Variants in CLSTN2 observed in about 807,000 individuals in gnomAD.
CLSTN2 encodes the protein calsyntenin 2.
CLSTN2 carries 48 observed loss-of-function variants against 101.2 expected under a neutral mutation model. The observed-to-expected ratio is 0.47, with a 90% CI of 0.38 to 0.60. CLSTN2 has a LOEUF of 0.60. CLSTN2 is among the 20% of genes least tolerant of loss of function. CLSTN2 has a pLI of 0.00. For synonymous variants in CLSTN2, 481 were observed against 463.6 expected (o/e 1.04, Z -0.48); for missense variants, 1,160 against 1,238.2 (o/e 0.94, Z 0.95).
At chr3:140,236,489 T>C (rs1032461509) in intron 2 of CLSTN2, among the ~76,000 whole-genome samples, 20 of 152,212 alleles carry the variant, frequency 1.3e-4, no homozygotes, top group African/African-American at 2.7e-4. Flanking sequence ...TTCAGCCTCA[T>C]TGAGCTTCTT....
rs72978100 is a variant in CLSTN2, at chr3:140,546,086, T to C, written c.1508-429T>C. Among the ~76,000 whole-genome samples the C allele has an allele frequency of 2.2e-3, 331 of 152,314 alleles. 3 individuals are homozygous for C. The highest frequency in any genetic ancestry group is 7.9e-3 in the African/African-American group (327 of 41,574). On this transcript the variant is annotated intron_variant, in intron 9 of 16. Coordinates refer to ENST00000458420, the MANE Select transcript of CLSTN2 (RefSeq NM_022131.3). ...ATATGTCCTGGGGCAACTACCTTAA[T>C]GTTTTTGAGTCTCAGGGCTCTGCAC...
chr3:140,209,206 G>T (rs1289128451), intron 2 of CLSTN2, among the ~76,000 whole-genome samples: 1 of 152,168 alleles, frequency 6.6e-6, no homozygotes, highest in Non-Finnish European at 1.5e-5. Flanking sequence ...GAGAGAACTG[G>T]AGAGGATGCA....
rs1453788092 is a variant in CLSTN2 at position 140,574,306 on chromosome 3, C to G, written c.*8053C>G. 1 of 152,200 alleles carries G rather than the reference C, an allele frequency of 6.6e-6. No individual in the cohort carries two copies. The highest frequency in any genetic ancestry group is 1.9e-4 in the East Asian group (1 of 5,186). 9.4% of individuals were successfully genotyped at this position (152,200 alleles called of 1,614,324 possible). A position where few individuals can be genotyped will look rare whatever the true frequency, so the allele number is the denominator to read the frequency against. ...CATTTGTGATGCACGTGGGAGAAAACAGGAGTGGGGTTGTTTGGGGACTAC... is the reference window on the plus strand; with the variant it reads ...CATTTGTGATGCACGTGGGAGAAAAGAGGAGTGGGGTTGTTTGGGGACTAC... On this transcript the variant is annotated 3_prime_UTR_variant, in exon 17 of 17. Coordinates refer to ENST00000458420, the MANE Select transcript of CLSTN2 (RefSeq NM_022131.3).
chr3:140,203,066 T>A (rs1300658983), intron 2 of CLSTN2, among the ~76,000 whole-genome samples: 1 of 152,148 alleles, frequency 6.6e-6, no homozygotes, highest in Admixed American at 6.5e-5. Flanking sequence ...AATGTCTACA[T>A]GGAGTAGTAC....
At chr3:140,524,611 C>A (rs1321569260) in intron 8 of CLSTN2, among the ~76,000 whole-genome samples, 1 of 152,176 alleles carries the variant, frequency 6.6e-6, no homozygotes, top group Non-Finnish European at 1.5e-5. Context: ...CATCTACAGA[C>A]TACTCCACCC....
At chr3:140,449,764 TA>T (rs1933196027) in intron 6 of CLSTN2, 1 of 152,242 alleles carries the variant, frequency 6.6e-6, no homozygotes, top group South Asian at 2.1e-4. Flanking sequence ...GGGAACTTTT[TA>T]TCACAGGCAT....
chr3:139,997,014 T>A (rs1337035860), intron 1 of CLSTN2, among the ~76,000 whole-genome samples: 1 of 130,866 alleles, frequency 7.6e-6, no homozygotes, highest in Non-Finnish European at 1.6e-5. Flanking sequence ...GCCATTGCAC[T>A]CCAGCCTGGG....
At chr3:139,962,554 G>A (rs1248066278) in intron 1 of CLSTN2, among the ~76,000 whole-genome samples, 1 of 152,066 alleles carries the variant, frequency 6.6e-6, no homozygotes, top group Non-Finnish European at 1.5e-5. Context: ...AAGATTAGCA[G>A]ATTTCCTTAA....
chr3:140,433,196 T>C (rs2088652699), intron 5 of CLSTN2, among the ~76,000 whole-genome samples: 1 of 152,188 alleles, frequency 6.6e-6, no homozygotes, highest in African/African-American at 2.4e-5. Context: ...TGTCATTGGA[T>C]AGTAAGGCAG....
chr3:140,550,716 A>G (rs1935684782), intron 10 of CLSTN2, among the ~76,000 whole-genome samples: 1 of 151,556 alleles, frequency 6.6e-6, no homozygotes, highest in African/African-American at 2.4e-5. Context: ...AGCAATTTCT[A>G]GAGTCATCAT....
At chr3:140,305,343 G>C (rs377678314) in intron 2 of CLSTN2, among the ~76,000 whole-genome samples, 36 of 152,168 alleles carry the variant, frequency 2.4e-4, no homozygotes, top group African/African-American at 8.2e-4. Flanking sequence ...CTGAATACAG[G>C]TCCCTTTAAA....
chr3:140,057,044 A>G (rs924235378), intron 1 of CLSTN2, among the ~76,000 whole-genome samples: 6 of 152,210 alleles, frequency 3.9e-5, no homozygotes, highest in African/African-American at 9.6e-5. Flanking sequence ...TGCAGCTTCA[A>G]TAGGGATTTT....
chr3:139,974,711 A>T (rs1212696786), intron 1 of CLSTN2, among the ~76,000 whole-genome samples: 1 of 152,248 alleles, frequency 6.6e-6, no homozygotes, highest in Non-Finnish European at 1.5e-5. Flanking sequence ...TAATAGCCAT[A>T]GGAAAACAAA....
At chr3:140,221,884 A>G (rs1192708560) in intron 2 of CLSTN2, among the ~76,000 whole-genome samples, 1 of 152,204 alleles carries the variant, frequency 6.6e-6, no homozygotes, top group Non-Finnish European at 1.5e-5. Flanking sequence ...GTAAATTAGT[A>G]CAAGTACTAT....
At chr3:140,053,274 C>T (rs563970008) in intron 1 of CLSTN2, among the ~76,000 whole-genome samples, 1 of 152,254 alleles carries the variant, frequency 6.6e-6, no homozygotes, top group South Asian at 2.1e-4. Flanking sequence ...GACCTTGGCC[C>T]CTTCAGCCAC....
chr3:140,165,472 G>A (rs568055995), intron 1 of CLSTN2, among the ~76,000 whole-genome samples: 1 of 152,290 alleles, frequency 6.6e-6, no homozygotes, highest in African/African-American at 2.4e-5. Flanking sequence ...ATGGGAACAA[G>A]GAAAGATCCA....
At chr3:140,108,634 G>A (rs939412819) in intron 1 of CLSTN2, among the ~76,000 whole-genome samples, 2 of 152,118 alleles carry the variant, frequency 1.3e-5, no homozygotes, top group Non-Finnish European at 2.9e-5. Flanking sequence ...CACAGTCAAG[G>A]CAGTTAAGGG....
In CLSTN2 at chr3:140,410,772, A is replaced by G. The variant is rs112083519; in HGVS notation, c.637+6006A>G. Among the ~76,000 whole-genome samples, 1,462 of 152,336 alleles carry G rather than the reference A, an allele frequency of 9.6e-3. 23 individuals are homozygous for G. Among genetic ancestry groups the G allele is most frequent in the African/African-American group, 0.031 (1,306 of 41,586 alleles). On this transcript the variant is annotated intron_variant, in intron 4 of 16. Transcript: ENST00000458420. Reference sequence around the variant, plus strand: ...TGACTTGTTAATGTATGTACAATATAAAAACATAAATTGTGGCACAAAAAT... The same window carrying G: ...TGACTTGTTAATGTATGTACAATATGAAAACATAAATTGTGGCACAAAAAT...
intron 8 of CLSTN2, among the ~76,000 whole-genome samples, chr3:140,468,910 G>A (rs1465060931): frequency 6.6e-6 from 1 of 152,194 alleles, no homozygotes; most frequent in East Asian, 1.9e-4. Context: ...CCATAACAAA[G>A]TATCACAGGC....
Sources: allele counts gnomAD v4.1 joint callset (sites outside exome capture counted in the v4.1 genomes callset), GRCh38; gene constraint gnomAD v4.1.1; transcripts MANE v1.5; gene names NCBI Gene and HGNC (gene_info 2026-07-23, HGNC 2026-07-21).